R3HDM2: variants seen among roughly 807,000 people sequenced by gnomAD.
The protein encoded by R3HDM2 is R3H domain containing 2.
A neutral mutation model predicts 124.5 loss-of-function variants in R3HDM2; 38 were observed. That is an observed-to-expected ratio of 0.31 (90% CI 0.24 to 0.40). R3HDM2 has a LOEUF of 0.40. R3HDM2 is among the 10% of genes least tolerant of loss of function. The pLI is 1.00. For synonymous variants in R3HDM2, 391 were observed against 448.0 expected (o/e 0.87, Z 1.61); for missense variants, 869 against 1,236.9 (o/e 0.70, Z 4.46).
At chr12:57,357,289 C>T (rs2061407185) in intron 2 of R3HDM2, among the ~76,000 whole-genome samples, 1 of 151,800 alleles carries the variant, frequency 6.6e-6, no homozygotes, top group African/African-American at 2.4e-5. Context: ...TAGCAAAACC[C>T]CATCTTTACT....
At chr12:57,297,499 T>C in intron 7 of R3HDM2, 112 bp from the exon 8 acceptor site, 1 of 632,204 alleles carries the variant, frequency 1.6e-6, no homozygotes, top group Non-Finnish European at 2.7e-6. Flanking sequence ...CTGAAAAAGG[T>C]ATATATCCAA....
chr12:57,344,759 C>G (rs1218724348), intron 2 of R3HDM2, among the ~76,000 whole-genome samples: 1 of 151,710 alleles, frequency 6.6e-6, no homozygotes, highest in Non-Finnish European at 1.5e-5. Flanking sequence ...GAAGTCAGAT[C>G]AACAGAGGTA....
At chr12:57,367,780 C>G (rs2062841137) in intron 2 of R3HDM2, among the ~76,000 whole-genome samples, 1 of 152,190 alleles carries the variant, frequency 6.6e-6, no homozygotes, top group South Asian at 2.1e-4. Flanking sequence ...ACGCAGCTAT[C>G]ACCAGAACTG....
At chr12:57,311,226 T>A (rs1354162771) in intron 2 of R3HDM2, among the ~76,000 whole-genome samples, 1 of 150,498 alleles carries the variant, frequency 6.6e-6, no homozygotes, top group Non-Finnish European at 1.5e-5. Context: ...TAAAATCTTA[T>A]ATATATATAT....
intron 2 of R3HDM2, among the ~76,000 whole-genome samples, chr12:57,370,165 C>T (rs2063146706): frequency 6.6e-6 from 1 of 152,104 alleles, no homozygotes; most frequent in South Asian, 2.1e-4. Context: ...GGGCGGTTCC[C>T]CCCGCTGTTC....
intron 1 of R3HDM2, chr12:57,415,193 A>C (rs1349596258): frequency 1.3e-5 from 2 of 152,166 alleles, no homozygotes; most frequent in Non-Finnish European, 2.9e-5. Flanking sequence ...GTTATCCTCA[A>C]AAACATAAGG....
At chr12:57,303,722 C>A (rs554301454) in intron 3 of R3HDM2, among the ~76,000 whole-genome samples, 4 of 151,964 alleles carry the variant, frequency 2.6e-5, no homozygotes, top group Non-Finnish European at 5.9e-5. Context: ...GAGGAGGTTG[C>A]AGTGAGCCGA....
chr12:57,372,661 G>GT (rs1240786859), intron 2 of R3HDM2, among the ~76,000 whole-genome samples: 2 of 152,148 alleles, frequency 1.3e-5, no homozygotes, highest in Non-Finnish European at 2.9e-5. Flanking sequence ...AGGAAGATAT[G>GT]TTTTTTAAAA....
intron 1 of R3HDM2, among the ~76,000 whole-genome samples, chr12:57,410,318 TAAAAAAAAAAAA>T (rs56412130): frequency 1.0e-5 from 1 of 100,142 alleles, no homozygotes; most frequent in South Asian, 3.6e-4. Context: ...AGTATAACCT[TAAAAAAAAAAAA>T]AAAAAAAAAA....
In R3HDM2 at chr12:57,405,066, C is replaced by T. The variant is rs539714230; in HGVS notation, c.-105-9248G>A. 6.8e-4 allele frequency among the ~76,000 whole-genome samples: 103 copies of T among 151,910 alleles called. 1 individual carries two copies. Among genetic ancestry groups the T allele is most frequent in the African/African-American group, 2.4e-3 (98 of 41,420 alleles). On this transcript the variant is annotated intron_variant, in intron 1 of 23. Transcript: ENST00000402412. ...TTTTCAAGACAGGGTCTCACTCTGT[C>T]GCCCCAGCTAGAGTACAGTGACATG...
chr12:57,280,226 A>T (rs2045813144), intron 14 of R3HDM2, 132 bp downstream of exon 14: 4 of 972,996 alleles, frequency 4.1e-6, no homozygotes, highest in Non-Finnish European at 5.7e-6. Flanking sequence ...AACAAATGAG[A>T]AATGGGGGAG....
rs543922963 is a variant in R3HDM2 at position 57,404,585 on chromosome 12, C to A, written c.-105-8767G>T. 3.3e-5 allele frequency among the ~76,000 whole-genome samples: 5 copies of A among 152,092 alleles called. No homozygotes were observed. In the South Asian group the frequency reaches 1.0e-3, roughly 32 times the overall value. The stretch of plus-strand genomic sequence containing the variant: ...GGGCATGGTGGCGTGCGCCTGTAGT[C>A]CCAGCTACTCAACAGGCTGAAACAG... On this transcript the variant is annotated intron_variant, in intron 1 of 23. Transcript: ENST00000402412.
At chr12:57,377,864 G>C (rs796177760) in intron 2 of R3HDM2, among the ~76,000 whole-genome samples, 53 of 152,236 alleles carry the variant, frequency 3.5e-4, no homozygotes, top group African/African-American at 1.1e-3. Flanking sequence ...GAGGTGGGCG[G>C]ATTGCTTGAG....
chr12:57,380,960 T>C (rs555650694), intron 2 of R3HDM2, among the ~76,000 whole-genome samples: 11 of 152,228 alleles, frequency 7.2e-5, no homozygotes, highest in Admixed American at 6.5e-4. Flanking sequence ...CCGGGCACGG[T>C]GGCCCACACC....
intron 11 of R3HDM2, among the ~76,000 whole-genome samples, chr12:57,289,496 T>C (rs557500068): frequency 6.6e-6 from 1 of 152,190 alleles, no homozygotes; most frequent in South Asian, 2.1e-4. Context: ...TCTCCTACAT[T>C]GGCCAAAATG....
chr12:57,389,536 G>T (rs57311308), intron 2 of R3HDM2, among the ~76,000 whole-genome samples: 4,397 of 152,182 alleles, frequency 0.029, 216 homozygotes, highest in African/African-American at 0.099. Context: ...AGCACACCTT[G>T]GAATACACAG....
At chr12:57,406,365 A>C (rs2068528327) in intron 1 of R3HDM2, among the ~76,000 whole-genome samples, 1 of 152,024 alleles carries the variant, frequency 6.6e-6, no homozygotes, top group Non-Finnish European at 1.5e-5. Flanking sequence ...AACACATTAA[A>C]TATATTTAAA....
At chr12:57,369,872 A>G (rs2137894369) in intron 2 of R3HDM2, among the ~76,000 whole-genome samples, 1 of 152,348 alleles carries the variant, frequency 6.6e-6, no homozygotes, top group South Asian at 2.1e-4. Flanking sequence ...TTCATTTCTT[A>G]GTTTCTCCTA....
At chr12:57,413,425 A>AT (rs1227937298) in intron 1 of R3HDM2, among the ~76,000 whole-genome samples, 17 of 135,874 alleles carry the variant, frequency 1.3e-4, no homozygotes, top group Non-Finnish European at 1.9e-4. Flanking sequence ...GCAACCTTCT[A>AT]TTTAAAAAAA....
Sources: allele counts gnomAD v4.1 joint callset (sites outside exome capture counted in the v4.1 genomes callset), GRCh38; gene constraint gnomAD v4.1.1; transcripts MANE v1.5; gene names NCBI Gene and HGNC (gene_info 2026-07-23, HGNC 2026-07-21).